XPC: variants seen among roughly 807,000 people sequenced by gnomAD.
The protein encoded by XPC is XPC complex subunit, DNA damage recognition and repair factor.
In XPC, 76 loss-of-function variants were observed where a neutral mutation model predicts 95.8. That is an observed-to-expected ratio of 0.79 (90% CI 0.66 to 0.96). The LOEUF (loss-of-function observed/expected upper bound fraction) is 0.96. Among genes scored for constraint, XPC ranks in the 40% least tolerant of loss-of-function variants. The pLI, the probability that XPC is intolerant of heterozygous loss-of-function variation, is 0.00. For synonymous variants in XPC, 442 were observed against 442.1 expected (o/e 1.00, Z 0.00); for missense variants, 1,146 against 1,179.8 (o/e 0.97, Z 0.42).
At chr3:14,174,485 G>A (rs549691118) in intron 1 of XPC, among the ~76,000 whole-genome samples, 1 of 152,304 alleles carries the variant, frequency 6.6e-6, no homozygotes, top group South Asian at 2.1e-4. Context: ...AACTTTTCTA[G>A]TTGGTTAAAA....
chr3:14,155,015 A>G (rs1004854815), intron 10 of XPC, among the ~76,000 whole-genome samples: 2 of 152,168 alleles, frequency 1.3e-5, no homozygotes, highest in Admixed American at 1.3e-4. Context: ...GTACATACCC[A>G]TAAGAGGAAG....
chr3:14,158,751 T>G lies in XPC; in HGVS notation c.1132A>C (p.Arg378=), dbSNP rs762726340. ...QEETFAKGTC[R]PSAKGKRNKG... Reference sequence around the variant, plus strand: ...TTCCTCTTCCCTTTGGCACTTGGCCTGCAGGTGCCCTTAGCAAAGGTTTCC... The same window carrying G: ...TTCCTCTTCCCTTTGGCACTTGGCCGGCAGGTGCCCTTAGCAAAGGTTTCC... Residue 378 remains arginine (R), a synonymous_variant, in exon 9 of 16, where the codon AGG becomes CGG. Transcript: ENST00000285021. The surrounding 1 kb of genome is among the most constrained non-coding windows in gnomAD (Gnocchi z 5.2). 1 of 1,613,956 alleles carries G rather than the reference T, an allele frequency of 6.2e-7. No individual in the cohort carries two copies. The highest frequency in any genetic ancestry group is 8.5e-7 in the Non-Finnish European group (1 of 1,179,888).
intron 7 of XPC, 47 bp from the exon 8 acceptor site, chr3:14,159,877 G>T: frequency 6.6e-7 from 1 of 1,504,632 alleles, no homozygotes. Flanking sequence ...AGTAATTAAA[G>T]ATGTAATGAG....
Position 14,147,824 on chromosome 3 carries a change from G to A in XPC, c.2514+84C>T, listed in dbSNP as rs534604409. ...GGCTGGGAAGAGCCTGGGAGCACAC[G>A]GAGGCGGCCTGGGGAAGGAAGAGGC... On this transcript the variant is annotated intron_variant, in intron 14 of 15. Coordinates refer to ENST00000285021, the MANE Select transcript of XPC (RefSeq NM_004628.5). The A allele has an allele frequency of 1.6e-4, 207 of 1,260,064 alleles. 4 individuals carry two copies. In the South Asian group the frequency reaches 2.5e-3, roughly 15 times the overall value. The allele number at this position is 1,260,064 out of a possible 1,614,324, so 78.1% of individuals were successfully genotyped here.
chr3:14,145,878 CAGGTGTGG>C lies in XPC; in HGVS notation c.*55_*62del, dbSNP rs750994656. 5.1e-6 allele frequency: 8 copies of C among 1,558,180 alleles called. No individual in the cohort carries two copies. The highest frequency in any genetic ancestry group is 7.0e-6 in the Non-Finnish European group (8 of 1,144,122). On this transcript the variant is annotated 3_prime_UTR_variant, in exon 16 of 16. Transcript: ENST00000285021. ...CACCAGGGGCTGGGCATGCCCAGGG[CAGGTGTGG>C]GGCCTGTAGTGGGGCAGCAGCAACT...
intron 7 of XPC, 102 bp from the exon 8 acceptor site, chr3:14,159,932 T>G: frequency 1.7e-6 from 2 of 1,181,138 alleles, no homozygotes; most frequent in Non-Finnish European, 2.4e-6. Context: ...AGGGAAAAGC[T>G]GGAAACAGCC....
chr3:14,168,345 T>C lies in XPC; in HGVS notation c.448A>G (p.Ser150Gly). 6.2e-7 allele frequency: 1 copy of C among 1,613,952 alleles called. No individual in the cohort carries two copies. Among genetic ancestry groups the C allele is most frequent in the Non-Finnish European group, 8.5e-7 (1 of 1,179,858 alleles). The change falls in exon 4 of 16, where the codon AGT becomes GGT. Residue 150 changes from serine to glycine, a missense_variant. Ser to Gly is a moderately conservative substitution (Grantham distance 56). Coordinates refer to ENST00000285021, the MANE Select transcript of XPC (RefSeq NM_004628.5). ...AGAAGAGATCGAGAGAAGGCTGTAC[T>C]TTCTCTCACGTCACCCAGCACAGGC... ...SEPVLGDVRE[S>G]TAFSRSLLPV...
chr3:14,151,655 C>T (rs1311127094), intron 11 of XPC: 2 of 152,166 alleles, frequency 1.3e-5, no homozygotes, highest in Admixed American at 6.5e-5. Flanking sequence ...TGTGATCAGC[C>T]ACTGTACACT....
chr3:14,154,909 A>G lies in XPC; in HGVS notation c.2033+1426T>C, dbSNP rs573005177. On this transcript the variant is annotated intron_variant, in intron 10 of 15. Transcript: ENST00000285021. ...TTTTACCACAATAAAAAATAAATCA[A>G]TAAATATGCACCTCTAATGCTTCCT... is the stretch of plus-strand genomic sequence containing the variant. Among the ~76,000 whole-genome samples the G allele has an allele frequency of 1.5e-4, 23 of 150,656 alleles. No individual in the cohort carries two copies. In the East Asian group the frequency reaches 4.5e-3, roughly 29 times the overall value.
chr3:14,173,977 T>A (rs994845287), intron 1 of XPC, among the ~76,000 whole-genome samples: 3 of 152,152 alleles, frequency 2.0e-5, no homozygotes, highest in Non-Finnish European at 2.9e-5. Flanking sequence ...AATAATTCAG[T>A]CTTTTCATTG....
Position 14,147,929 on chromosome 3 carries a change from G to A in XPC, c.2493C>T (p.Val831=), listed in dbSNP as rs1337305292. 6.2e-7 allele frequency: 1 copy of A among 1,602,832 alleles called. No homozygotes were observed. Among genetic ancestry groups the A allele is most frequent in the Non-Finnish European group, 8.5e-7 (1 of 1,174,220 alleles). ...TTACCTCCTTCTCCTTCCTTTCAATGACTGCCTGCTCATTTTCCCAGGCAG... is the reference window on the plus strand; with the variant it reads ...TTACCTCCTTCTCCTTCCTTTCAATAACTGCCTGCTCATTTTCCCAGGCAG... ...LLTAWENEQA[V]IERKEKEKKE... Residue 831 remains valine, a synonymous_variant, in exon 14 of 16, where the codon GTC becomes GTT. Coordinates refer to ENST00000285021, the MANE Select transcript of XPC (RefSeq NM_004628.5).
chr3:14,167,801 G>A (rs1010026627), intron 4 of XPC, among the ~76,000 whole-genome samples: 14 of 152,248 alleles, frequency 9.2e-5, no homozygotes, highest in African/African-American at 3.4e-4. Flanking sequence ...AGGTACTCCG[G>A]GATGCTGGGA....
At chr3:14,164,443 A>C in intron 7 of XPC, 1 of 202,196 alleles carries the variant, frequency 4.9e-6, no homozygotes, top group South Asian at 7.7e-5. Context: ...CAAGGACTTC[A>C]GCATCCAATT....
intron 2 of XPC, 136 bp downstream of exon 2, chr3:14,172,731 T>G: frequency 1.0e-6 from 1 of 992,532 alleles, no homozygotes; most frequent in Non-Finnish European, 1.4e-6. Flanking sequence ...CTTACCGGTC[T>G]GAGTTGTACC....
intron 4 of XPC, among the ~76,000 whole-genome samples, chr3:14,167,879 G>A (rs771889407): frequency 1.3e-5 from 2 of 152,244 alleles, no homozygotes; most frequent in Non-Finnish European, 2.9e-5. Context: ...TGAGGAAAAT[G>A]TGAATGCCAA....
chr3:14,150,485 G>A (rs1276487109), intron 11 of XPC, among the ~76,000 whole-genome samples: 1 of 152,212 alleles, frequency 6.6e-6, no homozygotes, highest in Non-Finnish European at 1.5e-5. Flanking sequence ...CAGGGACAGA[G>A]GGACTCTGAG....
chr3:14,175,561 A>G (rs1696781724), intron 1 of XPC, among the ~76,000 whole-genome samples: 1 of 152,156 alleles, frequency 6.6e-6, no homozygotes, highest in Non-Finnish European at 1.5e-5. Flanking sequence ...CAGTGTGTGA[A>G]AATAGTAGGC....
chr3:14,165,355 A>C (rs1696332538), intron 6 of XPC, 73 bp downstream of exon 6: 1 of 1,494,920 alleles, frequency 6.7e-7, no homozygotes, highest in South Asian at 1.3e-5. Flanking sequence ...TGTGGAAGTG[A>C]CCTGAACCCA....
At chr3:14,157,260 C>T (rs1392721352) in intron 9 of XPC, among the ~76,000 whole-genome samples, 1 of 152,060 alleles carries the variant, frequency 6.6e-6, no homozygotes, top group African/African-American at 2.4e-5. Context: ...ACCCCTGGAG[C>T]AAACACTCAA....
Sources: gnomAD v4.1 joint callset for allele counts (sites outside exome capture counted in the v4.1 genomes callset) on GRCh38, gnomAD v4.1.1 for gene constraint, Gnocchi (gnomAD v3.1) non-coding constraint, MANE v1.5 for transcripts, NCBI Gene and HGNC (gene_info 2026-07-23, HGNC 2026-07-21) for gene names.